The following FAM185A variants were observed in gnomAD, a reference collection of about 807,000 sequenced individuals.
FAM185A encodes protein FAM185A.
In FAM185A, 21 loss-of-function variants were observed where a neutral mutation model predicts 45.7. That is an observed-to-expected ratio of 0.46 (90% CI 0.33 to 0.66). The LOEUF (loss-of-function observed/expected upper bound fraction) is 0.66, where lower values mean the gene tolerates loss of function less well. Ranked by LOEUF, FAM185A falls within the 30% of genes least tolerant of loss-of-function variation. The pLI is 0.03. For missense variants in FAM185A, 305 were observed against 485.4 expected, an observed-to-expected ratio of 0.63 and a Z score of 3.49; for synonymous variants, 117 against 194.0, an observed-to-expected ratio of 0.60 and a Z score of 3.30.
Position 102,808,302 on chromosome 7 carries a change from A to T in FAM185A, c.1079A>T (p.Gln360Leu). The T allele has an allele frequency of 6.4e-7, 1 of 1,551,538 alleles. No homozygotes were observed. Among genetic ancestry groups the T allele is most frequent in the Non-Finnish European group, 8.7e-7 (1 of 1,146,714 alleles). The change falls in exon 8 of 8, where the codon CAA becomes CTA. Residue 360 changes from glutamine to leucine, a missense_variant. Gln to Leu is a moderately radical substitution (Grantham distance 113). This residue lies in a region of FAM185A where 66 missense variants were observed against 74.6 expected (regional missense o/e 0.89). Coordinates refer to ENST00000413034, the MANE Select transcript of FAM185A (RefSeq NM_001145268.2). Reference protein sequence around the residue: ...DVVTVTGLMNQASKREKWIKA... With the variant: ...DVVTVTGLMNLASKREKWIKA... ...TTTTGTGTTTTAGGACTCATGAATC[A>T]AGCAAGCAAACGTGAAAAATGGATT...
At chr7:102,759,048 G>C (rs1235603665) in intron 3 of FAM185A, among the ~76,000 whole-genome samples, 2 of 152,088 alleles carry the variant, frequency 1.3e-5, no homozygotes, top group Non-Finnish European at 2.9e-5. Flanking sequence ...AATTATACTA[G>C]GAAAGTGTTG....
intron 6 of FAM185A, among the ~76,000 whole-genome samples, chr7:102,784,388 A>G (rs1795635789): frequency 1.3e-5 from 2 of 152,050 alleles, no homozygotes; most frequent in Admixed American, 6.6e-5. Flanking sequence ...AAAAAAAGAG[A>G]ATTTTAGACC....
intron 5 of FAM185A, among the ~76,000 whole-genome samples, chr7:102,775,684 C>T (rs2129437444): frequency 6.6e-6 from 1 of 151,846 alleles, no homozygotes; most frequent in Non-Finnish European, 1.5e-5. Flanking sequence ...CTTGAGAAAG[C>T]GAGAAATCAC....
intron 7 of FAM185A, among the ~76,000 whole-genome samples, chr7:102,792,501 G>A (rs912636497): frequency 1.0e-5 from 1 of 96,360 alleles, no homozygotes; most frequent in Non-Finnish European, 2.0e-5. Context: ...TTTAGACTTG[G>A]TTCATCAACT....
chr7:102,820,474 C>T, the FAM185A span, among the ~76,000 whole-genome samples: 11 of 152,056 alleles, frequency 7.2e-5, no homozygotes, highest in Non-Finnish European at 1.0e-4. Flanking sequence ...TTTTTTTGCA[C>T]GTATATTTTT....
intron 4 of FAM185A, among the ~76,000 whole-genome samples, chr7:102,767,550 C>T (rs1180566162): frequency 6.7e-6 from 1 of 149,366 alleles, no homozygotes; most frequent in Non-Finnish European, 1.5e-5. Context: ...CTCTTTCCAC[C>T]TCTGTGATAA....
chr7:102,816,836 C>T, the FAM185A span, among the ~76,000 whole-genome samples: 1 of 152,202 alleles, frequency 6.6e-6, no homozygotes. Context: ...TTAGCTCCTA[C>T]TTTTAAGTGA....
intron 4 of FAM185A, among the ~76,000 whole-genome samples, chr7:102,762,498 G>A (rs559798431): frequency 1.3e-5 from 2 of 151,854 alleles, no homozygotes; most frequent in Non-Finnish European, 2.9e-5. Context: ...GTACAGATTC[G>A]GACTTTTTCC....
intron 6 of FAM185A, 136 bp downstream of exon 6, chr7:102,777,484 A>T: frequency 3.5e-6 from 2 of 566,494 alleles, no homozygotes; most frequent in South Asian, 2.4e-5. Flanking sequence ...CCTAATTTAA[A>T]GGCACTGGTC....
chr7:102,764,411 G>T (rs1384806730), intron 4 of FAM185A, among the ~76,000 whole-genome samples: 3 of 141,790 alleles, frequency 2.1e-5, no homozygotes, highest in South Asian at 4.6e-4. Context: ...TCTGGGGTTT[G>T]GGATGGGAGG....
At chr7:102,822,681 G>A in the FAM185A span, among the ~76,000 whole-genome samples, 2 of 152,192 alleles carry the variant, frequency 1.3e-5, no homozygotes, top group African/African-American at 2.4e-5. Flanking sequence ...CTTTCACCCA[G>A]CTTGTCACAT....
chr7:102,768,940 T>A (rs1485290516), intron 4 of FAM185A, among the ~76,000 whole-genome samples: 1 of 152,170 alleles, frequency 6.6e-6, no homozygotes, highest in South Asian at 2.1e-4. Flanking sequence ...AATCAAAATA[T>A]AGAAAATTTT....
At chr7:102,845,913 T>C in the FAM185A span, among the ~76,000 whole-genome samples, 1 of 152,266 alleles carries the variant, frequency 6.6e-6, no homozygotes, top group African/African-American at 2.4e-5. Flanking sequence ...TATCACAGCA[T>C]TATGACTAAA....
At chr7:102,780,082 A>C (rs1430536011) in intron 6 of FAM185A, among the ~76,000 whole-genome samples, 1 of 152,050 alleles carries the variant, frequency 6.6e-6, no homozygotes, top group Non-Finnish European at 1.5e-5. Context: ...TTTAGAATAG[A>C]ACAGTTTGTC....
intron 6 of FAM185A, among the ~76,000 whole-genome samples, chr7:102,787,013 A>AAATCC (rs1186988288): frequency 6.6e-6 from 1 of 152,160 alleles, no homozygotes; most frequent in East Asian, 1.9e-4. Flanking sequence ...GCTCAATGGC[A>AAATCC]AATCCTATCT....
At position 102,749,329 on chromosome 7, in the gene FAM185A, C is replaced by T. The variant is rs1194157943; in HGVS notation, c.122C>T (p.Ser41Leu). The T allele has an allele frequency of 6.5e-7, 1 of 1,549,448 alleles. No homozygotes were observed. The change falls in exon 1 of 8, where the codon TCA (serine) becomes TTA (leucine). Residue 41 changes from serine to leucine, a missense_variant. Coordinates refer to ENST00000413034, the MANE Select transcript of FAM185A (RefSeq NM_001145268.2). ...CWACQARPYS[S>L]GGSERWPGSE... ...GCTTGCCAAGCCAGGCCGTACAGCT[C>T]AGGTGGGAGCGAGCGCTGGCCCGGA...
At chr7:102,800,404 T>C (rs921468094) in intron 7 of FAM185A, among the ~76,000 whole-genome samples, 1 of 152,052 alleles carries the variant, frequency 6.6e-6, no homozygotes, top group African/African-American at 2.4e-5. Context: ...AAATCCCTGA[T>C]TTACCTGAAA....
chr7:102,786,319 T>A (rs1479677441), intron 6 of FAM185A, among the ~76,000 whole-genome samples: 9 of 152,216 alleles, frequency 5.9e-5, no homozygotes, highest in Non-Finnish European at 1.3e-4. Context: ...GACCCAGCAA[T>A]CCCATTACTG....
the FAM185A span, among the ~76,000 whole-genome samples, chr7:102,826,741 A>ATG: frequency 3.4e-3 from 215 of 64,036 alleles, 2 homozygotes; most frequent in Admixed American, 5.5e-3. Context: ...ATATATATAT[A>ATG]TATATATATA....
Sources: gnomAD v4.1 joint callset for allele counts (sites outside exome capture counted in the v4.1 genomes callset) on GRCh38, gnomAD v4.1.1 for gene constraint, gnomAD v4.1.1 regional missense constraint, MANE v1.5 for transcripts, NCBI Gene and HGNC (gene_info 2026-07-23, HGNC 2026-07-21) for gene names.